KLF13: variants seen among roughly 807,000 people sequenced by gnomAD.
KLF13 encodes the protein KLF transcription factor 13.
A neutral mutation model predicts 16.7 loss-of-function variants in KLF13; 8 were observed. The ratio of observed to expected loss-of-function variants is 0.48; its 90% CI spans 0.28 to 0.87. The LOEUF (loss-of-function observed/expected upper bound fraction) is 0.87. Ranked by LOEUF, KLF13 falls within the 40% of genes least tolerant of loss-of-function variation. The pLI is 0.10. For missense variants in KLF13, 447 were observed against 452.2 expected (o/e 0.99, Z 0.10); for synonymous variants, 245 against 208.4 (o/e 1.18, Z -1.51).
chr15:31,339,339 C>T (rs760805352), intron 1 of KLF13, among the ~76,000 whole-genome samples: 3 of 151,924 alleles, frequency 2.0e-5, no homozygotes, highest in Non-Finnish European at 4.4e-5. Flanking sequence ...TTTGTCTTCC[C>T]TTTATAGGAG....
downstream of KLF13, among the ~76,000 whole-genome samples, chr15:31,405,372 C>G (rs924524633): frequency 1.3e-5 from 2 of 152,346 alleles, no homozygotes; most frequent in East Asian, 3.9e-4. Flanking sequence ...CCTCTTCTGC[C>G]AGGTGAGGCC....
At chr15:31,350,965 G>GA (rs747726712) in intron 1 of KLF13, among the ~76,000 whole-genome samples, 16 of 152,252 alleles carry the variant, frequency 1.1e-4, no homozygotes, top group Non-Finnish European at 2.2e-4. Context: ...GGGAGGCTGG[G>GA]AGGGAGTGTG....
At chr15:31,369,564 G>A (rs553848897) in intron 1 of KLF13, among the ~76,000 whole-genome samples, 2 of 152,264 alleles carry the variant, frequency 1.3e-5, no homozygotes, top group Admixed American at 1.3e-4. Flanking sequence ...ACAAAGAAGA[G>A]TGGTGTGTCT....
At position 31,416,871 on chromosome 15, in the gene KLF13, G is replaced by A. The variant is rs372134224; in HGVS notation, n.118-18499G>A. On this transcript the variant is annotated intron_variant and non_coding_transcript_variant, in intron 1 of 1. Coordinates refer to the KLF13 transcript ENST00000558225. ...ACTGTTAATATGTTTCCTAGAGTTC[G>A]AATGTGTCCCTCAAAGTTCATGTGT... Among the ~76,000 whole-genome samples, 179 of 152,260 alleles carry A rather than the reference G, an allele frequency of 1.2e-3. 2 individuals carry two copies. The highest frequency in any genetic ancestry group is 3.4e-3 in the Middle Eastern group (1 of 294).
chr15:31,391,570 C>T (rs1400393124), upstream of KLF13, among the ~76,000 whole-genome samples: 1 of 152,086 alleles, frequency 6.6e-6, no homozygotes, highest in Non-Finnish European at 1.5e-5. Context: ...CATCTGGGGC[C>T]CCACACCCAT....
At chr15:31,341,842 C>G (rs1317704366) in intron 1 of KLF13, among the ~76,000 whole-genome samples, 1 of 152,174 alleles carries the variant, frequency 6.6e-6, no homozygotes, top group Non-Finnish European at 1.5e-5. Context: ...CGCATCCAGC[C>G]TCAGCTTCTG....
chr15:31,417,838 G>A (rs1031482117), intron 1 of KLF13, among the ~76,000 whole-genome samples: 2 of 152,232 alleles, frequency 1.3e-5, no homozygotes, highest in East Asian at 1.9e-4. Flanking sequence ...GAGCCACTGC[G>A]CCCGGCTTTC....
At chr15:31,368,848 G>T (rs113733490) in intron 1 of KLF13, among the ~76,000 whole-genome samples, 89 of 150,068 alleles carry the variant, frequency 5.9e-4, no homozygotes, top group African/African-American at 2.0e-3. Context: ...AGATAGATAG[G>T]TAGATAGATA....
intron 1 of KLF13, among the ~76,000 whole-genome samples, chr15:31,387,280 C>T (rs2039805647): frequency 6.6e-6 from 1 of 152,254 alleles, no homozygotes; most frequent in Middle Eastern, 3.4e-3. Flanking sequence ...GAAGAAATTG[C>T]CACAGCCACC....
chr15:31,428,514 T>G (rs555232096), intron 1 of KLF13, among the ~76,000 whole-genome samples: 15 of 152,092 alleles, frequency 9.9e-5, no homozygotes, highest in Admixed American at 1.3e-4. Context: ...TATATAGAAA[T>G]GCCAAGGACC....
intron 1 of KLF13, among the ~76,000 whole-genome samples, chr15:31,413,058 A>G (rs2040213231): frequency 6.6e-6 from 1 of 152,184 alleles, no homozygotes; most frequent in Non-Finnish European, 1.5e-5. Context: ...GCACTCTTGA[A>G]AACAAAAGAA....
chr15:31,335,110 T>C (rs533810005), intron 1 of KLF13, among the ~76,000 whole-genome samples: 168 of 152,272 alleles, frequency 1.1e-3, no homozygotes, highest in Non-Finnish European at 2.1e-3. Context: ...CGTGGCACCC[T>C]GCTCATGCTT....
At chr15:31,389,747 G>A (rs1027271931), upstream of KLF13, among the ~76,000 whole-genome samples, 3 of 152,046 alleles carry the variant, frequency 2.0e-5, no homozygotes, top group African/African-American at 4.8e-5. Flanking sequence ...CAGTGGATTC[G>A]AACTGCAACA....
At chr15:31,343,788 G>A (rs926465172) in intron 1 of KLF13, among the ~76,000 whole-genome samples, 5 of 152,168 alleles carry the variant, frequency 3.3e-5, no homozygotes, top group African/African-American at 1.2e-4. Context: ...CACTGACTGC[G>A]GGTCACCATG....
chr15:31,423,154 CGT>C lies in KLF13; in HGVS notation n.118-12215_118-12214del, dbSNP rs774307353. Among the ~76,000 whole-genome samples, 219 of 92,616 alleles carry C rather than the reference CGT, an allele frequency of 2.4e-3. 2 individuals are homozygous for C. Among genetic ancestry groups the C allele is most frequent in the Non-Finnish European group, 3.1e-3 (150 of 47,806 alleles). The allele number at this position is 92,616 out of a possible 152,430, so 60.8% of individuals were successfully genotyped here. On this transcript the variant is annotated intron_variant and non_coding_transcript_variant, in intron 1 of 1. Coordinates refer to the KLF13 transcript ENST00000558225. ...ATACGTATACGTATACGTATATATA[CGT>C]ATATATATGTATATATATACATATA... is the stretch of plus-strand genomic sequence containing the variant.
intron 1 of KLF13, among the ~76,000 whole-genome samples, chr15:31,414,313 C>T (rs2040231094): frequency 6.6e-6 from 1 of 151,860 alleles, no homozygotes; most frequent in Admixed American, 6.6e-5. Flanking sequence ...AATGGAAGAA[C>T]AGAAAAAACA....
chr15:31,417,216 G>A (rs57222165), intron 1 of KLF13, among the ~76,000 whole-genome samples: 4,879 of 152,096 alleles, frequency 0.032, 254 homozygotes, highest in African/African-American at 0.11. Context: ...TATCTAGGCC[G>A]GGCACAGTGG....
chr15:31,388,970 G>A (rs2039828590), upstream of KLF13, among the ~76,000 whole-genome samples: 3 of 151,262 alleles, frequency 2.0e-5, no homozygotes, highest in South Asian at 6.2e-4. Context: ...TGATTTATGA[G>A]TATTTGACAA....
At chr15:31,426,793 A>T (rs1019378581) in intron 1 of KLF13, among the ~76,000 whole-genome samples, 3 of 152,214 alleles carry the variant, frequency 2.0e-5, no homozygotes, top group Non-Finnish European at 4.4e-5. Flanking sequence ...ATTGGTGTGC[A>T]AGTCAGTGGA....
Sources: gnomAD v4.1 joint callset for allele counts (sites outside exome capture counted in the v4.1 genomes callset) on GRCh38, gnomAD v4.1.1 for gene constraint, MANE v1.5 for transcripts, NCBI Gene and HGNC (gene_info 2026-07-23, HGNC 2026-07-21) for gene names.